Variants in ABCC1 observed in about 807,000 individuals in gnomAD.
ABCC1 encodes ATP binding cassette subfamily C member 1 (ABCC1 blood group).
In ABCC1, 83 loss-of-function variants were observed where a neutral mutation model predicts 172.9. The ratio of observed to expected loss-of-function variants is 0.48; its 90% CI spans 0.40 to 0.58. ABCC1 has a LOEUF of 0.58. Among genes scored for constraint, ABCC1 ranks in the 20% least tolerant of loss-of-function variants. The pLI, the probability that ABCC1 is intolerant of heterozygous loss-of-function variation, is 0.00. For missense variants in ABCC1, 1,817 were observed against 2,002.7 expected (o/e 0.91, Z 1.77); for synonymous variants, 937 against 825.2 (o/e 1.14, Z -2.32).
chr16:15,960,182 GT>G (rs781692323), intron 1 of ABCC1, among the ~76,000 whole-genome samples: 18 of 152,108 alleles, frequency 1.2e-4, no homozygotes, highest in Non-Finnish European at 1.9e-4. Context: ...CCCAGGCCAA[GT>G]GACCCTCCCA....
In ABCC1 at chr16:16,038,336, C is replaced by T. The variant is rs1306764641; in HGVS notation, c.809+1733C>T. Among the ~76,000 whole-genome samples the T allele has an allele frequency of 2.6e-5, 4 of 152,172 alleles. No individual in the cohort carries two copies. In the East Asian group the frequency reaches 7.7e-4, roughly 29 times the overall value. ...TGGCTCAGGCCTAGTCCAAAAGTCT[C>T]AGACCCAGGGAAGCTGATGGTGGAA... On this transcript the variant is annotated intron_variant, in intron 7 of 30. Transcript: ENST00000399410.
chr16:16,049,500 C>T (rs2049342021), intron 10 of ABCC1, among the ~76,000 whole-genome samples: 1 of 152,140 alleles, frequency 6.6e-6, no homozygotes. Flanking sequence ...TGGATCTTTG[C>T]CACGTACCTT....
At chr16:16,005,509 G>A (rs990877991) in intron 1 of ABCC1, among the ~76,000 whole-genome samples, 15 of 152,036 alleles carry the variant, frequency 9.9e-5, no homozygotes, top group African/African-American at 3.6e-4. Flanking sequence ...CACCATGCCT[G>A]GCTAGTTTTT....
chr16:16,033,947 T>C (rs897189477), intron 6 of ABCC1, among the ~76,000 whole-genome samples: 1 of 151,386 alleles, frequency 6.6e-6, no homozygotes, highest in African/African-American at 2.4e-5. Context: ...TCTTTTTGTA[T>C]ATCTTTTTCT....
rs751431962 is a variant in ABCC1 at position 16,129,248 on chromosome 16, A to G, written c.3820-2541A>G. On this transcript the variant is annotated intron_variant, in intron 26 of 30. Transcript: ENST00000399410. ...AGGCACCTTTGCATCTGTGTATAGT[A>G]ACAGTCACTGCCTCTAAGGGCTGCT... 1.1e-4 allele frequency among the ~76,000 whole-genome samples: 17 copies of G among 152,318 alleles called. No homozygotes were observed. The Middle Eastern group carries it at 0.014, about 122-fold the overall frequency.
intron 23 of ABCC1, among the ~76,000 whole-genome samples, chr16:16,118,883 TAA>T (rs397855738): frequency 0.1 from 12,254 of 118,292 alleles, 584 homozygotes; most frequent in African/African-American, 0.14. Context: ...AAGTGTATAT[TAA>T]AAAAAAAAAA....
At chr16:16,105,714 C>CT (rs71137912) in intron 20 of ABCC1, among the ~76,000 whole-genome samples, 37,644 of 130,290 alleles carry the variant, frequency 0.29, 5,831 homozygotes, top group Middle Eastern at 0.37. Context: ...CTTTTCTTTT[C>CT]TTTTTTTTTT....
intron 19 of ABCC1, among the ~76,000 whole-genome samples, chr16:16,095,949 G>A (rs1010598622): frequency 7.2e-5 from 11 of 152,030 alleles, no homozygotes; most frequent in Non-Finnish European, 1.5e-4. Context: ...TGTGCTCATC[G>A]TAGACATTTG....
intron 1 of ABCC1, among the ~76,000 whole-genome samples, chr16:15,992,466 C>G (rs1178456636): frequency 6.6e-6 from 1 of 151,814 alleles, no homozygotes; most frequent in African/African-American, 2.4e-5. Context: ...GTGGCACAAT[C>G]TCGGCTCACT....
intron 18 of ABCC1, among the ~76,000 whole-genome samples, chr16:16,089,286 C>T (rs1350212310): frequency 6.6e-6 from 1 of 152,150 alleles, no homozygotes; most frequent in African/African-American, 2.4e-5. Context: ...TAGCGCATGC[C>T]TGTAGTCCCA....
chr16:15,997,229 C>T (rs748972048), intron 1 of ABCC1, among the ~76,000 whole-genome samples: 3 of 151,980 alleles, frequency 2.0e-5, no homozygotes, highest in Non-Finnish European at 4.4e-5. Flanking sequence ...GTAGCCGGGA[C>T]TCAGGCCTGT....
intron 1 of ABCC1, among the ~76,000 whole-genome samples, chr16:15,988,281 A>G (rs978396046): frequency 1.3e-5 from 2 of 151,904 alleles, no homozygotes; most frequent in Non-Finnish European, 2.9e-5. Flanking sequence ...GCTTTTCATC[A>G]CACATGTCTT....
At chr16:16,090,968 C>T (rs1187468762) in intron 19 of ABCC1, among the ~76,000 whole-genome samples, 6 of 151,972 alleles carry the variant, frequency 3.9e-5, no homozygotes, top group Admixed American at 2.0e-4. Flanking sequence ...TGAGGACATA[C>T]GTGACACAAG....
intron 11 of ABCC1, among the ~76,000 whole-genome samples, chr16:16,055,854 G>A (rs2049627819): frequency 6.6e-6 from 1 of 150,592 alleles, no homozygotes; most frequent in Admixed American, 6.6e-5. Flanking sequence ...TTAATAGACG[G>A]TGAAGTTGAG....
At chr16:15,969,147 A>C (rs1426322916) in intron 1 of ABCC1, among the ~76,000 whole-genome samples, 1 of 152,106 alleles carries the variant, frequency 6.6e-6, no homozygotes, top group Non-Finnish European at 1.5e-5. Context: ...GAGGTTGTAG[A>C]GAGCCAAGAT....
intron 16 of ABCC1, 77 bp from the exon 17 acceptor site, chr16:16,083,289 C>A: frequency 7.0e-7 from 1 of 1,422,020 alleles, no homozygotes; most frequent in East Asian, 2.3e-5. Flanking sequence ...TCCTAGCAGG[C>A]GGGTGGGCCA....
At chr16:16,116,277 CAGTG>C in intron 23 of ABCC1, among the ~76,000 whole-genome samples, 1 of 152,120 alleles carries the variant, frequency 6.6e-6, no homozygotes, top group African/African-American at 2.4e-5. Context: ...ATATTTCAGT[CAGTG>C]AGATCAAGGA....
At position 16,134,464 on chromosome 16, in the gene ABCC1, A is replaced by G; in HGVS notation, c.4081A>G (p.Ile1361Val). Residue 1361 changes from isoleucine to valine, a missense_variant, in exon 28 of 31, where the codon ATC (isoleucine) becomes GTC (valine). This residue lies in a region of ABCC1 where 1,412 missense variants were observed against 1,600.3 expected (regional missense o/e 0.88). Transcript: ENST00000399410. Reference sequence around the variant, plus strand: ...CATCGATGGCATCAACATCGCCAAGATCGGCCTGCACGACCTCCGCTTCAA... The same window carrying G: ...CATCGATGGCATCAACATCGCCAAGGTCGGCCTGCACGACCTCCGCTTCAA... ...IIIDGINIAKIGLHDLRFKIT... is the reference protein window; with the variant it reads ...IIIDGINIAKVGLHDLRFKIT... 6.2e-7 allele frequency: 1 copy of G among 1,614,076 alleles called. No individual in the cohort carries two copies. The highest frequency in any genetic ancestry group is 8.5e-7 in the Non-Finnish European group (1 of 1,180,000).
rs191918974 is a variant in ABCC1, at chr16:15,990,391, A to G, written c.49-17425A>G. ...TACAATATAGTATTGTGAGCTATAG[A>G]CACTATTCTGTACAGTAGACCGTAG... is the stretch of plus-strand genomic sequence containing the variant. On this transcript the variant is annotated intron_variant, in intron 1 of 30. Coordinates refer to ENST00000399410, the MANE Select transcript of ABCC1 (RefSeq NM_004996.4). Among the ~76,000 whole-genome samples, 257 of 152,230 alleles carry G rather than the reference A, an allele frequency of 1.7e-3. 1 individual carries two copies. Among genetic ancestry groups the G allele is most frequent in the South Asian group, 3.3e-3 (16 of 4,822 alleles).
Sources: gnomAD v4.1 joint callset for allele counts (sites outside exome capture counted in the v4.1 genomes callset) on GRCh38, gnomAD v4.1.1 for gene constraint, gnomAD v4.1.1 regional missense constraint, MANE v1.5 for transcripts, NCBI Gene and HGNC (gene_info 2026-07-23, HGNC 2026-07-21) for gene names.